TOP1: variants seen among roughly 807,000 people sequenced by gnomAD.
The protein encoded by TOP1 is DNA topoisomerase I.
A neutral mutation model predicts 111.1 loss-of-function variants in TOP1; 10 were observed. That is an observed-to-expected ratio of 0.09 (90% CI 0.06 to 0.15). The LOEUF (loss-of-function observed/expected upper bound fraction) is 0.15. Ranked by LOEUF, TOP1 falls within the 10% of genes least tolerant of loss-of-function variation. TOP1 has a pLI of 1.00. For missense variants in TOP1, 474 were observed against 926.7 expected (o/e 0.51, Z 6.34); for synonymous variants, 271 against 302.9 (o/e 0.89, Z 1.10).
intron 3 of TOP1, 135 bp from the exon 4 acceptor site, chr20:41,076,036 A>G: frequency 2.4e-6 from 2 of 831,134 alleles, no homozygotes; most frequent in South Asian, 4.0e-5. Flanking sequence ...AAGACCCTCT[A>G]CTTGAACCTT....
At position 41,046,242 on chromosome 20, in the gene TOP1, T is replaced by C. The variant is rs771873509; in HGVS notation, c.59-15152T>C. The stretch of plus-strand genomic sequence containing the variant: ...TAGTTAACATTACTATTTCCAGTAA[T>C]GTTCACTGGGCCAGTTTACTTTTGA... On this transcript the variant is annotated intron_variant, in intron 2 of 20. Transcript: ENST00000361337. The surrounding 1 kb of genome is among the most constrained non-coding windows in gnomAD (Gnocchi z 4.3). Among the ~76,000 whole-genome samples, 5 of 152,360 alleles carry C rather than the reference T, an allele frequency of 3.3e-5. No individual in the cohort carries two copies. Among genetic ancestry groups the C allele is most frequent in the South Asian group, 2.1e-4 (1 of 4,832 alleles).
chr20:41,084,328 G>GT, intron 7 of TOP1, 134 bp from the exon 8 acceptor site: 1 of 451,622 alleles, frequency 2.2e-6, no homozygotes, highest in Non-Finnish European at 4.1e-6. Flanking sequence ...TCTGTCAAAT[G>GT]AGAGGAGTAC....
chr20:41,120,945 G>A (rs1270653706), intron 18 of TOP1, among the ~76,000 whole-genome samples: 1 of 152,182 alleles, frequency 6.6e-6, no homozygotes, highest in African/African-American at 2.4e-5. Context: ...GTTTCACCGT[G>A]TTAGCCAGGA....
intron 8 of TOP1, among the ~76,000 whole-genome samples, chr20:41,091,974 C>T (rs1251861847): frequency 1.3e-5 from 2 of 152,160 alleles, no homozygotes; most frequent in African/African-American, 2.4e-5. Flanking sequence ...CCAGGTAATG[C>T]GTAAGTACCT....
chr20:41,074,573 A>G (rs1334732327), intron 3 of TOP1, among the ~76,000 whole-genome samples: 2 of 152,012 alleles, frequency 1.3e-5, no homozygotes. Context: ...AGATTTCTTA[A>G]AGTTTCTGCC....
At chr20:41,089,629 T>G (rs1227656422) in intron 8 of TOP1, among the ~76,000 whole-genome samples, 1 of 152,198 alleles carries the variant, frequency 6.6e-6, no homozygotes, top group Non-Finnish European at 1.5e-5. Flanking sequence ...TGTACAAGTA[T>G]TTGTTTGAAT....
Position 41,123,224 on chromosome 20 carries a change from A to G in TOP1, c.2225A>G (p.Lys742Arg). ...WCKKWGVPIE[K>R]IYNKTQREKF... is the part of the protein sequence containing the mutation. ...AAGAAGTGGGGTGTCCCAATTGAGA[A>G]GATTTACAACAAAACCCAGCGGGAG... The change falls in exon 21 of 21, where the codon AAG becomes AGG. Residue 742 changes from lysine to arginine, a missense_variant. By Grantham distance (26) the Lys-to-Arg change is conservative. This residue lies in a region of TOP1 where 26 missense variants were observed against 81.8 expected (regional missense o/e 0.32). Coordinates refer to ENST00000361337, the MANE Select transcript of TOP1 (RefSeq NM_003286.4). This position sits in a 1 kb window ranked among gnomAD's most constrained non-coding sequence, Gnocchi z 5.8. 6.2e-7 allele frequency: 1 copy of G among 1,614,120 alleles called. No individual in the cohort carries two copies. Among genetic ancestry groups the G allele is most frequent in the African/African-American group, 1.3e-5 (1 of 75,022 alleles).
intron 17 of TOP1, among the ~76,000 whole-genome samples, chr20:41,117,021 AT>A (rs1280124045): frequency 1.3e-5 from 2 of 152,104 alleles, no homozygotes; most frequent in African/African-American, 2.4e-5. Flanking sequence ...AATAAAAACA[AT>A]TTTTTTGGAT....
chr20:41,090,068 G>A (rs1347669049), intron 8 of TOP1, among the ~76,000 whole-genome samples: 9 of 151,958 alleles, frequency 5.9e-5, no homozygotes. Flanking sequence ...CTGCCTCCCA[G>A]GTTCAAGTGA....
rs1357991289 is a variant in TOP1, at chr20:41,076,176, A to G, written c.161A>G (p.His54Arg). The change falls in exon 4 of 21, where the codon CAT becomes CGT. Residue 54 changes from histidine to arginine, a missense_variant. Around this residue, in one of 14 missense-constraint regions of TOP1, gnomAD observed 185 missense variants for 226.3 expected, o/e 0.82. Coordinates refer to ENST00000361337, the MANE Select transcript of TOP1 (RefSeq NM_003286.4). ...REKSKHSNSE[H>R]KDSEKKHKEK... ...TGTGACTTAACTTTTTACAGTGAAC[A>G]TAAAGATTCTGAAAAGAAACACAAA... 5.0e-6 allele frequency: 8 copies of G among 1,609,544 alleles called. No homozygotes were observed. The highest frequency in any genetic ancestry group is 6.8e-6 in the Non-Finnish European group (8 of 1,177,924).
At chr20:41,091,297 T>TG (rs2033917043) in intron 8 of TOP1, among the ~76,000 whole-genome samples, 1 of 152,198 alleles carries the variant, frequency 6.6e-6, no homozygotes, top group South Asian at 2.1e-4. Flanking sequence ...CATAGCCAGT[T>TG]GCAATTTGTG....
intron 18 of TOP1, among the ~76,000 whole-genome samples, chr20:41,119,566 A>G (rs2034389331): frequency 6.6e-6 from 1 of 152,270 alleles, no homozygotes; most frequent in African/African-American, 2.4e-5. Flanking sequence ...TTTAAGAACT[A>G]CTACTGTGGA....
At chr20:41,051,488 AGTAAAT>A (rs1444632376) in intron 2 of TOP1, among the ~76,000 whole-genome samples, 1 of 152,174 alleles carries the variant, frequency 6.6e-6, no homozygotes, top group Non-Finnish European at 1.5e-5. Context: ...CTTAAGAAAG[AGTAAAT>A]GTTTTTGCTT....
rs1244705797 is a variant in TOP1, at chr20:41,100,701, C to T, written c.1163+458C>T. On this transcript the variant is annotated intron_variant, in intron 12 of 20. Coordinates refer to ENST00000361337, the MANE Select transcript of TOP1 (RefSeq NM_003286.4). This position sits in a 1 kb window ranked among gnomAD's most constrained non-coding sequence, Gnocchi z 4.4. ...CACCATACAGTTTTTTTTATTAAGTCGATAATTTCCACCTTTTCATTTAAA... is the reference window on the plus strand; with the variant it reads ...CACCATACAGTTTTTTTTATTAAGTTGATAATTTCCACCTTTTCATTTAAA... 1 of 159,782 alleles carries T rather than the reference C, an allele frequency of 6.3e-6. No individual in the cohort carries two copies. Among genetic ancestry groups the T allele is most frequent in the African/African-American group, 2.4e-5 (1 of 41,654 alleles). The allele number at this position is 159,782 out of a possible 1,614,324, so 9.9% of individuals were successfully genotyped here.
chr20:41,077,675 G>C, intron 5 of TOP1, 38 bp downstream of exon 5: 1 of 1,592,208 alleles, frequency 6.3e-7, no homozygotes, highest in Admixed American at 1.7e-5. Context: ...CCTTTCTCTG[G>C]GTGGACAGCA....
Position 41,121,870 on chromosome 20 carries a change from T to C in TOP1, c.2045+80T>C, listed in dbSNP as rs370852179. Reference sequence around the variant, plus strand: ...TGTCAGGGCCCCTGGGGCCCTGGCTTTTCGATGGTTTCTGAGAAATGTCTT... The same window carrying C: ...TGTCAGGGCCCCTGGGGCCCTGGCTCTTCGATGGTTTCTGAGAAATGTCTT... On this transcript the variant is annotated intron_variant, in intron 19 of 20. Coordinates refer to ENST00000361337, the MANE Select transcript of TOP1 (RefSeq NM_003286.4). The surrounding 1 kb of genome is among the most constrained non-coding windows in gnomAD (Gnocchi z 4.2). 3 of 1,552,898 alleles carry C rather than the reference T, an allele frequency of 1.9e-6. No individual in the cohort carries two copies. The highest frequency in any genetic ancestry group is 2.2e-5 in the East Asian group (1 of 44,578).
In TOP1 at chr20:41,082,959, G is replaced by A. The variant is rs752754258; in HGVS notation, c.508-1503G>A. Among the ~76,000 whole-genome samples, 1 of 152,144 alleles carries A rather than the reference G, an allele frequency of 6.6e-6. No individual in the cohort carries two copies. The highest frequency in any genetic ancestry group is 2.4e-5 in the African/African-American group (1 of 41,440). ...TTCTATTTAGCAGCCCTACCACATA[G>A]GGGGAAAAATGCTGGCTGAAAGACT... On this transcript the variant is annotated intron_variant, in intron 7 of 20. Transcript: ENST00000361337. The surrounding 1 kb of genome is among the most constrained non-coding windows in gnomAD (Gnocchi z 4.1).
chr20:41,111,013 T>C (rs2034229143), intron 13 of TOP1, among the ~76,000 whole-genome samples: 1 of 152,210 alleles, frequency 6.6e-6, no homozygotes, highest in South Asian at 2.1e-4. Flanking sequence ...TCTGGTAGTA[T>C]CCTGTGAATG....
chr20:41,092,385 G>A lies in TOP1; in HGVS notation c.615-87G>A, dbSNP rs2033930701. 3 of 612,494 alleles carry A rather than the reference G, an allele frequency of 4.9e-6. No individual in the cohort carries two copies. The highest frequency in any genetic ancestry group is 5.7e-6 in the Non-Finnish European group (2 of 351,198). 37.9% of individuals were successfully genotyped at this position (612,494 alleles called of 1,614,324 possible). The stretch of plus-strand genomic sequence containing the variant: ...TCATTCCAGAGCACTAATCAGTTGA[G>A]CGGATAATTATTTGGCATTTAATCA... On this transcript the variant is annotated intron_variant, in intron 8 of 20. Transcript: ENST00000361337. This position sits in a 1 kb window ranked among gnomAD's most constrained non-coding sequence, Gnocchi z 4.3.
Sources: gnomAD v4.1 joint callset for allele counts (sites outside exome capture counted in the v4.1 genomes callset) on GRCh38, gnomAD v4.1.1 for gene constraint, gnomAD v4.1.1 regional missense constraint, Gnocchi (gnomAD v3.1) non-coding constraint, MANE v1.5 for transcripts, NCBI Gene and HGNC (gene_info 2026-07-23, HGNC 2026-07-21) for gene names.